CASP10: variants seen among roughly 807,000 people sequenced by gnomAD.
CASP10 encodes caspase-10.
CASP10 carries 41 observed loss-of-function variants against 48.5 expected under a neutral mutation model. The ratio of observed to expected loss-of-function variants is 0.85; its 90% CI spans 0.66 to 1.10. The LOEUF (loss-of-function observed/expected upper bound fraction) is 1.10, where lower values mean the gene tolerates loss of function less well. Among genes scored for constraint, CASP10 ranks in the 50% least tolerant of loss-of-function variants. The pLI is 0.00. For synonymous variants in CASP10, 232 were observed against 238.4 expected (o/e 0.97, Z 0.25); for missense variants, 614 against 614.5 (o/e 1.00, Z 0.01).
At position 201,210,856 on chromosome 2, in the gene CASP10, A is replaced by T. The variant is rs180888348; in HGVS notation, c.1415+1294A>T. ...AAAAATATAAGTGAATATTTAAATT[A>T]TTATTATTTTAAAAATTCAACAATA... On this transcript the variant is annotated intron_variant, in intron 9 of 9. Transcript: ENST00000286186. Among the ~76,000 whole-genome samples the T allele has an allele frequency of 1.4e-3, 211 of 152,330 alleles. 2 individuals are homozygous for T. The highest frequency in any genetic ancestry group is 2.4e-3 in the Non-Finnish European group (165 of 68,032).
At chr2:201,213,689 T>G (rs986396881) in intron 9 of CASP10, 1 of 152,184 alleles carries the variant, frequency 6.6e-6, no homozygotes, top group African/African-American at 2.4e-5. Context: ...GGCAGAATAG[T>G]AGGGACGAAG....
At chr2:201,213,111 A>C (rs143689420) in intron 9 of CASP10, 5 of 152,344 alleles carry the variant, frequency 3.3e-5, no homozygotes, top group African/African-American at 1.2e-4. Flanking sequence ...AGTTGCACCA[A>C]TATTTTTGGT....
chr2:201,194,087 T>G (rs955660404), intron 4 of CASP10, among the ~76,000 whole-genome samples: 3 of 148,364 alleles, frequency 2.0e-5, no homozygotes, highest in African/African-American at 7.5e-5. Flanking sequence ...CTTTATTTTC[T>G]TGTGTGTGTG....
At chr2:201,222,851 G>A (rs1053542263), downstream of CASP10, among the ~76,000 whole-genome samples, 3 of 152,108 alleles carry the variant, frequency 2.0e-5, no homozygotes, top group Non-Finnish European at 2.9e-5. Flanking sequence ...AAATCTCCAC[G>A]GAGGTAAACT....
chr2:201,196,390 T>C (rs1400348556), intron 5 of CASP10, among the ~76,000 whole-genome samples: 1 of 152,198 alleles, frequency 6.6e-6, no homozygotes, highest in African/African-American at 2.4e-5. Flanking sequence ...CTTAATGTAT[T>C]GAACAAGAGG....
chr2:201,225,949 G>C (rs951424916), downstream of CASP10, among the ~76,000 whole-genome samples: 2 of 152,202 alleles, frequency 1.3e-5, no homozygotes, highest in Admixed American at 1.3e-4. Flanking sequence ...CTGGGTGATA[G>C]AGTGAGACTC....
chr2:201,185,734 T>G (rs775811329), intron 1 of CASP10, 37 bp from the exon 2 acceptor site: 1 of 1,398,212 alleles, frequency 7.2e-7, no homozygotes, highest in Admixed American at 1.7e-5. Flanking sequence ...ATGTCCTCAC[T>G]CTCTAACTCC....
Position 201,203,751 on chromosome 2 carries a change from C to T in CASP10, c.706C>T (p.His236Tyr). 6.2e-7 allele frequency: 1 copy of T among 1,613,480 alleles called. No homozygotes were observed. Among genetic ancestry groups the T allele is most frequent in the African/African-American group, 1.3e-5 (1 of 75,032 alleles). Residue 236 changes from histidine (H) to tyrosine (Y), a missense_variant, in exon 6 of 10, where the codon CAT becomes TAT. Physicochemically the swap from His to Tyr is moderately conservative, Grantham distance 83. Coordinates refer to ENST00000286186, the MANE Select transcript of CASP10 (RefSeq NM_032977.4). ...ALPQESWQNKHAGSNGNRATN... is the reference protein window; with the variant it reads ...ALPQESWQNKYAGSNGNRATN... ...TCAGCAGGAGTCCTGGCAAAATAAGCATGCAGGTAGTAATGGTAGGTATTT... is the reference window on the plus strand; with the variant it reads ...TCAGCAGGAGTCCTGGCAAAATAAGTATGCAGGTAGTAATGGTAGGTATTT...
downstream of CASP10, among the ~76,000 whole-genome samples, chr2:201,226,631 A>G (rs1013271129): frequency 6.6e-6 from 1 of 152,048 alleles, no homozygotes; most frequent in Non-Finnish European, 1.5e-5. Context: ...AATCTTGCAC[A>G]GGTACCAGGA....
chr2:201,187,322 T>C (rs181339835), intron 2 of CASP10, among the ~76,000 whole-genome samples: 1 of 152,284 alleles, frequency 6.6e-6, no homozygotes, highest in African/African-American at 2.4e-5. Context: ...CAACCGACTG[T>C]ACCTTGGCTG....
Position 201,217,642 on chromosome 2 carries a change from A to C in CASP10, c.1470A>C (p.Arg490Ser). Reference sequence around the variant, plus strand: ...CTGTCAACGATGATGTGAGTCGAAGAGTGGACAAACAGGGAACAAAGAAAC... The same window carrying C: ...CTGTCAACGATGATGTGAGTCGAAGCGTGGACAAACAGGGAACAAAGAAAC... Reference protein sequence around the residue: ...LTAVNDDVSRRVDKQGTKKQM... With the variant: ...LTAVNDDVSRSVDKQGTKKQM... Residue 490 changes from arginine to serine, a missense_variant, in exon 10 of 10, where the codon AGA becomes AGC. Transcript: ENST00000286186. 1 of 1,614,212 alleles carries C rather than the reference A, an allele frequency of 6.2e-7. No homozygotes were observed. Among genetic ancestry groups the C allele is most frequent in the Non-Finnish European group, 8.5e-7 (1 of 1,180,028 alleles).
intron 5 of CASP10, chr2:201,200,699 A>C (rs1369280129): frequency 2.2e-5 from 28 of 1,296,756 alleles, no homozygotes; most frequent in Non-Finnish European, 2.5e-5. Context: ...GATTAAGTAC[A>C]TCCTTAATTA....
At position 201,187,777 on chromosome 2, in the gene CASP10, A is replaced by T. The variant is rs750569928; in HGVS notation, c.419A>T (p.Asp140Val). Residue 140 changes from aspartate (D) to valine (V), a missense_variant, in exon 3 of 10, where the codon GAC becomes GTC. Physicochemically the swap from Asp to Val is radical, Grantham distance 152. Coordinates refer to ENST00000286186, the MANE Select transcript of CASP10 (RefSeq NM_032977.4). Reference sequence around the variant, plus strand: ...AAGGACATGATCTTCCTTCTGAAAGACTCGCTTCCCAAAACTGAAATGGTG... The same window carrying T: ...AAGGACATGATCTTCCTTCTGAAAGTCTCGCTTCCCAAAACTGAAATGGTG... Reference protein sequence around the residue: ...NLKDMIFLLKDSLPKTEMTSL... With the variant: ...NLKDMIFLLKVSLPKTEMTSL... 6.2e-7 allele frequency: 1 copy of T among 1,613,896 alleles called. No individual in the cohort carries two copies. The highest frequency in any genetic ancestry group is 1.7e-5 in the Admixed American group (1 of 60,002).
Position 201,220,527 on chromosome 2 carries a change from CT to C in CASP10, c.*2787del, listed in dbSNP as rs1945695882. On this transcript the variant is annotated 3_prime_UTR_variant, in exon 10 of 10. Coordinates refer to ENST00000286186, the MANE Select transcript of CASP10 (RefSeq NM_032977.4). ...TATGGGAACGGACACACAACTCTCCCTCCCAGATAAGCACAGCAAAGAGACA... is the reference window on the plus strand; with the variant it reads ...TATGGGAACGGACACACAACTCTCCCCCCAGATAAGCACAGCAAAGAGACA... 1 of 156,204 alleles carries C rather than the reference CT, an allele frequency of 6.4e-6. No individual in the cohort carries two copies. Among genetic ancestry groups the C allele is most frequent in the East Asian group, 1.9e-4 (1 of 5,204 alleles). 9.7% of individuals were successfully genotyped at this position (156,204 alleles called of 1,614,324 possible). A position where few individuals can be genotyped will look rare whatever the true frequency, so the allele number is the denominator to read the frequency against.
intron 5 of CASP10, among the ~76,000 whole-genome samples, chr2:201,201,526 T>G (rs935666216): frequency 3.3e-5 from 5 of 152,038 alleles, no homozygotes; most frequent in Middle Eastern, 3.4e-3. Flanking sequence ...AGAAATTCAG[T>G]GGTTTCTAAA....
At position 201,215,211 on chromosome 2, in the gene CASP10, G is replaced by GTTTTTTTTTTTTTTTTTTT. The variant is rs10616229; in HGVS notation, c.1416-2370_1416-2352dup. 3.3e-4 allele frequency among the ~76,000 whole-genome samples: 10 copies of GTTTTTTTTTTTTTTTTTTT among 29,916 alleles called. 1 individual carries two copies. The highest frequency in any genetic ancestry group is 5.1e-4 in the Admixed American group (1 of 1,946). The allele number at this position is 29,916 out of a possible 152,430, so 19.6% of individuals were successfully genotyped here. A position where few individuals can be genotyped will look rare whatever the true frequency, so the allele number is the denominator to read the frequency against. ...ATTTTGTAGGTTGTCTCTTCCCTCG[G>GTTTTTTTTTTTTTTTTTTT]TTTTTTTTTTTTTTTTTTTTTTTTT... On this transcript the variant is annotated intron_variant, in intron 9 of 9. Transcript: ENST00000286186.
chr2:201,186,351 TTTG>T (rs1944415513), intron 2 of CASP10: 1 of 519,376 alleles, frequency 1.9e-6, no homozygotes, highest in Non-Finnish European at 3.5e-6. Flanking sequence ...GTGGCTTCCC[TTTG>T]TTTTGCTTCT....
chr2:201,192,519 T>C (rs896035939), intron 3 of CASP10, among the ~76,000 whole-genome samples: 4 of 152,146 alleles, frequency 2.6e-5, no homozygotes, highest in Admixed American at 2.6e-4. Flanking sequence ...ATTTCTTTGG[T>C]GTCCCTCTTT....
chr2:201,209,299 G>T lies in CASP10; in HGVS notation c.1152G>T (p.Leu384=). Residue 384 remains leucine, a synonymous_variant, in exon 9 of 10, where the codon CTG becomes CTT. Transcript: ENST00000286186. ...IREIMSHFTA[L]QCPRLAEKPK... ...AGATCATGTCTCACTTCACAGCCCT[G>T]CAGTGCCCTAGACTGGCTGAAAAAC... The T allele has an allele frequency of 1.2e-6, 2 of 1,614,138 alleles. No individual in the cohort carries two copies. Among genetic ancestry groups the T allele is most frequent in the Non-Finnish European group, 8.5e-7 (1 of 1,180,032 alleles).
Sources: gnomAD v4.1 joint callset for allele counts (sites outside exome capture counted in the v4.1 genomes callset) on GRCh38, gnomAD v4.1.1 for gene constraint, MANE v1.5 for transcripts, NCBI Gene and HGNC (gene_info 2026-07-23, HGNC 2026-07-21) for gene names.